ANKS1B: variants seen among roughly 807,000 people sequenced by gnomAD.
The protein encoded by ANKS1B is ankyrin repeat and sterile alpha motif domain-containing protein 1B.
A neutral mutation model predicts 148.3 loss-of-function variants in ANKS1B; 36 were observed. The ratio of observed to expected loss-of-function variants is 0.24; its 90% CI spans 0.19 to 0.32. The LOEUF (loss-of-function observed/expected upper bound fraction) is 0.32, where lower values mean the gene tolerates loss of function less well. ANKS1B is among the 10% of genes least tolerant of loss of function. The pLI, the probability that ANKS1B is intolerant of heterozygous loss-of-function variation, is 1.00. For missense variants in ANKS1B, 1,157 were observed against 1,542.6 expected (o/e 0.75, Z 4.19); for synonymous variants, 542 against 560.8 (o/e 0.97, Z 0.47).
chr12:99,121,574 C>T (rs1454329045), intron 15 of ANKS1B, among the ~76,000 whole-genome samples: 2 of 152,004 alleles, frequency 1.3e-5, no homozygotes, highest in East Asian at 1.9e-4. Flanking sequence ...AAAAATGTGG[C>T]ATATGGCCTG....
At chr12:99,544,035 A>G (rs1007239352) in intron 9 of ANKS1B, among the ~76,000 whole-genome samples, 3 of 152,200 alleles carry the variant, frequency 2.0e-5, no homozygotes, top group African/African-American at 7.2e-5. Context: ...ATGTTTCACA[A>G]AATATATAGA....
chr12:99,747,371 G>A (rs1282446416), intron 8 of ANKS1B, among the ~76,000 whole-genome samples: 2 of 151,926 alleles, frequency 1.3e-5, no homozygotes, highest in African/African-American at 4.8e-5. Flanking sequence ...TAGCCACCAA[G>A]TCTTGTAAAT....
rs61940292 is a variant in ANKS1B at position 99,787,142 on chromosome 12, G to A, written c.670-5045C>T. Among the ~76,000 whole-genome samples the A allele has an allele frequency of 0.035, 5,381 of 152,058 alleles. 421 individuals are homozygous for A. In the East Asian group the frequency reaches 0.35, roughly 10 times the overall value. ...ATTTTTTTAAGTACATAATTGATAG[G>A]GTTTGGCTATGTCCCCATCCAAATC... On this transcript the variant is annotated intron_variant, in intron 4 of 26. Transcript: ENST00000683438.
At chr12:99,863,775 A>G (rs917997350) in intron 1 of ANKS1B, among the ~76,000 whole-genome samples, 1 of 151,734 alleles carries the variant, frequency 6.6e-6, no homozygotes, top group African/African-American at 2.4e-5. Flanking sequence ...ATATTTGTCA[A>G]AAGTCGATCC....
intron 9 of ANKS1B, among the ~76,000 whole-genome samples, chr12:99,548,718 GA>G (rs1375649249): frequency 6.6e-6 from 1 of 152,054 alleles, no homozygotes; most frequent in Non-Finnish European, 1.5e-5. Flanking sequence ...GAGAACTCTG[GA>G]AAAGATAGTG....
chr12:99,479,553 G>T (rs537776261), intron 10 of ANKS1B, among the ~76,000 whole-genome samples: 1 of 152,062 alleles, frequency 6.6e-6, no homozygotes, highest in African/African-American at 2.4e-5. Flanking sequence ...CTTAATAAAA[G>T]AAGAAAATTC....
chr12:99,639,279 C>T (rs1011583626), intron 9 of ANKS1B, among the ~76,000 whole-genome samples: 6 of 152,154 alleles, frequency 3.9e-5, no homozygotes, highest in Admixed American at 3.3e-4. Context: ...GTGTATTTAC[C>T]CAGTATCTGT....
chr12:99,463,938 TG>T (rs1165421179), intron 10 of ANKS1B, among the ~76,000 whole-genome samples: 2 of 152,138 alleles, frequency 1.3e-5, no homozygotes. Context: ...AAGAGAGCAG[TG>T]GTTCTCCCAG....
chr12:99,278,719 G>A (rs2078010538), intron 12 of ANKS1B, among the ~76,000 whole-genome samples: 1 of 151,934 alleles, frequency 6.6e-6, no homozygotes, highest in East Asian at 1.9e-4. Context: ...AACCTAACTG[G>A]TACATATTTG....
At chr12:98,846,392 T>C (rs554464882) in intron 17 of ANKS1B, among the ~76,000 whole-genome samples, 2 of 152,346 alleles carry the variant, frequency 1.3e-5, no homozygotes, top group South Asian at 4.1e-4. Flanking sequence ...TTTCTCTCCC[T>C]CTTTCTCTTG....
chr12:99,855,077 G>C (rs1327261173), intron 1 of ANKS1B, among the ~76,000 whole-genome samples: 1 of 151,978 alleles, frequency 6.6e-6, no homozygotes, highest in Non-Finnish European at 1.5e-5. Context: ...AATGTAAGTG[G>C]CCTAAATGTT....
At chr12:98,944,937 C>T (rs1263190902) in intron 17 of ANKS1B, among the ~76,000 whole-genome samples, 1 of 152,140 alleles carries the variant, frequency 6.6e-6, no homozygotes, top group Non-Finnish European at 1.5e-5. Context: ...TATGTCTAAA[C>T]CCTTTTCTTC....
At chr12:99,329,884 T>C (rs895740648) in intron 12 of ANKS1B, among the ~76,000 whole-genome samples, 2 of 151,900 alleles carry the variant, frequency 1.3e-5, no homozygotes, top group Admixed American at 6.6e-5. Context: ...AAAATCTACA[T>C]GTTTACATCA....
In ANKS1B at chr12:99,401,288, A is replaced by G. The variant is rs2094397147; in HGVS notation, c.1576-1477T>C. 1.4e-5 allele frequency among the ~76,000 whole-genome samples: 2 copies of G among 146,164 alleles called. 1 individual carries two copies. The highest frequency in any genetic ancestry group is 5.2e-5 in the African/African-American group (2 of 38,576). On this transcript the variant is annotated intron_variant, in intron 11 of 26. Transcript: ENST00000683438. ...CAATTTCACATTCAATGTCCTTTCC[A>G]CCACATTCTATAATAGCAATTAGAA...
intron 6 of ANKS1B, among the ~76,000 whole-genome samples, chr12:99,775,885 A>G (rs977565699): frequency 4.6e-5 from 7 of 152,208 alleles, no homozygotes; most frequent in Non-Finnish European, 8.8e-5. Context: ...ATTATTTGGG[A>G]GAAACTCTTG....
intron 12 of ANKS1B, among the ~76,000 whole-genome samples, chr12:99,384,590 C>T (rs2093781122): frequency 6.6e-6 from 1 of 151,852 alleles, no homozygotes; most frequent in African/African-American, 2.4e-5. Flanking sequence ...TTCTTCTCGT[C>T]CCTTCCCTTC....
chr12:99,514,760 T>C (rs1025126565), intron 9 of ANKS1B, among the ~76,000 whole-genome samples: 3 of 152,026 alleles, frequency 2.0e-5, no homozygotes, highest in Admixed American at 6.6e-5. Flanking sequence ...AGGTAGTATC[T>C]AGCTCTGCCA....
chr12:99,886,751 T>C lies in ANKS1B; in HGVS notation c.135-61362A>G, dbSNP rs1349055592. Reference sequence around the variant, plus strand: ...ATATCCACAAGTCAAATTAACAAATTAGTTGAAGAATCAATACATCTACAT... The same window carrying C: ...ATATCCACAAGTCAAATTAACAAATCAGTTGAAGAATCAATACATCTACAT... On this transcript the variant is annotated intron_variant, in intron 1 of 26. Coordinates refer to ENST00000683438, the MANE Select transcript of ANKS1B (RefSeq NM_001352186.2). Among the ~76,000 whole-genome samples the C allele has an allele frequency of 2.0e-5, 3 of 152,312 alleles. No individual in the cohort carries two copies. In the East Asian group the frequency reaches 5.8e-4, roughly 29 times the overall value.
chr12:99,817,450 G>C (rs1852227274), intron 2 of ANKS1B, among the ~76,000 whole-genome samples: 2 of 151,226 alleles, frequency 1.3e-5, no homozygotes, highest in Admixed American at 1.3e-4. Context: ...TTAGCTATTG[G>C]GAATAGTGCT....
Sources: allele counts gnomAD v4.1 joint callset (sites outside exome capture counted in the v4.1 genomes callset), GRCh38; gene constraint gnomAD v4.1.1; transcripts MANE v1.5; gene names NCBI Gene and HGNC (gene_info 2026-07-23, HGNC 2026-07-21).